SLC5A1: variants seen among roughly 807,000 people sequenced by gnomAD.
SLC5A1 encodes the protein solute carrier family 5 member 1.
Under a neutral mutation model 73.5 loss-of-function variants are expected in SLC5A1, and 42 were observed. The ratio of observed to expected loss-of-function variants is 0.57; its 90% CI spans 0.45 to 0.74. SLC5A1 has a LOEUF of 0.74. Among genes scored for constraint, SLC5A1 ranks in the 30% least tolerant of loss-of-function variants. The pLI, the probability that SLC5A1 is intolerant of heterozygous loss-of-function variation, is 0.00. For synonymous variants in SLC5A1, 300 were observed against 317.4 expected (o/e 0.95, Z 0.58); for missense variants, 634 against 855.4 (o/e 0.74, Z 3.23).
Position 32,110,487 on chromosome 22 carries a change from G to A in SLC5A1, c.*274G>A. Reference sequence around the variant, plus strand: ...CCAGAAAAAGGCAGACTAAGAATCAGAAGCCATGTGATTGATGTCTGACGT... The same window carrying A: ...CCAGAAAAAGGCAGACTAAGAATCAAAAGCCATGTGATTGATGTCTGACGT... On this transcript the variant is annotated 3_prime_UTR_variant, in exon 15 of 15. Coordinates refer to ENST00000266088, the MANE Select transcript of SLC5A1 (RefSeq NM_000343.4). 2.0e-6 allele frequency: 1 copy of A among 501,660 alleles called. No homozygotes were observed. The highest frequency in any genetic ancestry group is 3.6e-6 in the Non-Finnish European group (1 of 274,528). The allele number at this position is 501,660 out of a possible 1,614,324, so 31.1% of individuals were successfully genotyped here.
intron 2 of SLC5A1, among the ~76,000 whole-genome samples, chr22:32,060,787 C>T (rs1234537104): frequency 6.6e-6 from 1 of 152,076 alleles, no homozygotes; most frequent in Non-Finnish European, 1.5e-5. Context: ...CCAGGCTGGT[C>T]TTGAACTCTT....
At chr22:32,094,515 G>A (rs1016971399) in intron 11 of SLC5A1, among the ~76,000 whole-genome samples, 1 of 151,964 alleles carries the variant, frequency 6.6e-6, no homozygotes, top group Non-Finnish European at 1.5e-5. Flanking sequence ...TTTCAACTTC[G>A]CTGCTTGCTA....
chr22:32,075,963 C>T (rs560676160), intron 5 of SLC5A1, among the ~76,000 whole-genome samples: 157 of 152,256 alleles, frequency 1.0e-3, no homozygotes, highest in Non-Finnish European at 1.9e-3. Context: ...TAACAAAATA[C>T]GGTGATAAGG....
intron 9 of SLC5A1, 27 bp downstream of exon 9, chr22:32,085,062 C>T: frequency 1.2e-6 from 2 of 1,613,834 alleles, no homozygotes; most frequent in Non-Finnish European, 8.5e-7. Context: ...GACCCACAAA[C>T]CACTCTCCCT....
At chr22:32,058,551 T>C (rs5998228) in intron 2 of SLC5A1, among the ~76,000 whole-genome samples, 4,971 of 152,244 alleles carry the variant, frequency 0.033, 254 homozygotes, top group African/African-American at 0.11. Context: ...GTCCTAAAAA[T>C]AGGGTCATAT....
chr22:32,077,533 A>G (rs554704210), intron 5 of SLC5A1, among the ~76,000 whole-genome samples: 3 of 152,148 alleles, frequency 2.0e-5, no homozygotes, highest in Non-Finnish European at 4.4e-5. Flanking sequence ...CTTTTATATC[A>G]AAGCTGGTGC....
chr22:32,094,159 T>C (rs2094022654), intron 11 of SLC5A1, among the ~76,000 whole-genome samples: 1 of 152,228 alleles, frequency 6.6e-6, no homozygotes. Context: ...CTTGCATATG[T>C]TAAACCATCC....
Position 32,043,449 on chromosome 22 carries a change from G to C in SLC5A1, c.135+33G>C. On this transcript the variant is annotated intron_variant, in intron 1 of 14. Transcript: ENST00000266088. This position sits in a 1 kb window ranked among gnomAD's most constrained non-coding sequence, Gnocchi z 6.5. ...GCGGGTTCTGGGATGCGGGTGGGGA[G>C]GGTGCGCACAGAGGAGGAGCAATGG... 6.2e-7 allele frequency: 1 copy of C among 1,611,760 alleles called. No homozygotes were observed. Among genetic ancestry groups the C allele is most frequent in the Non-Finnish European group, 8.5e-7 (1 of 1,178,852 alleles).
In SLC5A1 at chr22:32,110,189, C is replaced by CT; in HGVS notation, c.1975dup (p.Cys659LeufsTer26). ...GCATCATCCTGGTGACCGTGGCTGTCTTTTGCCATGCATATTTTGCCTGAG... is the reference window on the plus strand; with the variant it reads ...GCATCATCCTGGTGACCGTGGCTGTCTTTTTGCCATGCATATTTTGCCTGAG... On this transcript the variant is annotated frameshift_variant, in exon 15 of 15. Coordinates refer to ENST00000266088, the MANE Select transcript of SLC5A1 (RefSeq NM_000343.4). LOFTEE classifies it high-confidence loss of function. 2.5e-6 allele frequency: 4 copies of CT among 1,613,838 alleles called. No individual in the cohort carries two copies. The highest frequency in any genetic ancestry group is 3.4e-6 in the Non-Finnish European group (4 of 1,179,850).
chr22:32,065,705 ACCACTGTCTCCTCATT>A, intron 2 of SLC5A1, among the ~76,000 whole-genome samples: 1 of 152,340 alleles, frequency 6.6e-6, no homozygotes, highest in East Asian at 1.9e-4. Context: ...ACCTGCACCA[ACCACTGTCTCCTCATT>A]GTCATTCTGA....
chr22:32,071,860 G>A (rs907090940), intron 5 of SLC5A1, among the ~76,000 whole-genome samples: 1 of 152,098 alleles, frequency 6.6e-6, no homozygotes, highest in South Asian at 2.1e-4. Flanking sequence ...ATTACTTAAA[G>A]TTGAGACAAC....
At chr22:32,064,804 C>G (rs1188174461) in intron 2 of SLC5A1, among the ~76,000 whole-genome samples, 2 of 152,160 alleles carry the variant, frequency 1.3e-5, no homozygotes, top group African/African-American at 4.8e-5. Flanking sequence ...CAGGGATAGT[C>G]TCCCAGCTGG....
chr22:32,096,250 C>T (rs1249385517), intron 11 of SLC5A1, among the ~76,000 whole-genome samples: 1 of 152,174 alleles, frequency 6.6e-6, no homozygotes, highest in African/African-American at 2.4e-5. Context: ...TTGAACAATG[C>T]CCCTCTGGAG....
Position 32,112,214 on chromosome 22 carries a change from TCC to T in SLC5A1, c.*2003_*2004del, listed in dbSNP as rs1212770915. The T allele has an allele frequency of 6.6e-6, 1 of 152,314 alleles. No homozygotes were observed. Among genetic ancestry groups the T allele is most frequent in the Admixed American group, 6.5e-5 (1 of 15,292 alleles). 9.4% of individuals were successfully genotyped at this position (152,314 alleles called of 1,614,324 possible). A position where few individuals can be genotyped will look rare whatever the true frequency, so the allele number is the denominator to read the frequency against. The stretch of plus-strand genomic sequence containing the variant: ...GTGTTGGTCTTCTAACTTGTCTACA[TCC>T]CATCCCCATTCCAGGGTCTTCAGAA... On this transcript the variant is annotated 3_prime_UTR_variant, in exon 15 of 15. Coordinates refer to ENST00000266088, the MANE Select transcript of SLC5A1 (RefSeq NM_000343.4).
intron 2 of SLC5A1, chr22:32,059,325 G>A (rs2093956715): frequency 1.0e-6 from 1 of 985,642 alleles, no homozygotes; most frequent in Non-Finnish European, 1.2e-6. Context: ...ACCAGGAGAG[G>A]GGAACAGACA....
chr22:32,101,119 G>A (rs541221184), intron 12 of SLC5A1, among the ~76,000 whole-genome samples: 113 of 152,306 alleles, frequency 7.4e-4, no homozygotes, highest in African/African-American at 2.6e-3. Context: ...CCATGTGTGG[G>A]GGATAGCTGA....
chr22:32,074,362 C>T (rs980560427), intron 5 of SLC5A1, among the ~76,000 whole-genome samples: 2 of 152,230 alleles, frequency 1.3e-5, no homozygotes, highest in Admixed American at 1.3e-4. Context: ...CAGCCTCTTT[C>T]AGCTCAGATC....
At chr22:32,060,761 G>A (rs2149486027) in intron 2 of SLC5A1, among the ~76,000 whole-genome samples, 1 of 151,978 alleles carries the variant, frequency 6.6e-6, no homozygotes, top group Middle Eastern at 3.4e-3. Flanking sequence ...GTAGAGACGG[G>A]GTCTCGCTAT....
chr22:32,060,138 T>TAC (rs61008287), intron 2 of SLC5A1, among the ~76,000 whole-genome samples: 1 of 132,070 alleles, frequency 7.6e-6, no homozygotes, highest in African/African-American at 3.3e-5. Context: ...CACATATATA[T>TAC]ACACATACAC....
Sources: gnomAD v4.1 joint callset for allele counts (sites outside exome capture counted in the v4.1 genomes callset) on GRCh38, gnomAD v4.1.1 for gene constraint, Gnocchi (gnomAD v3.1) non-coding constraint, MANE v1.5 for transcripts, NCBI Gene and HGNC (gene_info 2026-07-23, HGNC 2026-07-21) for gene names.